The following DRC8 variants were observed in gnomAD, a reference collection of about 807,000 sequenced individuals.
The protein encoded by DRC8 is dynein regulatory complex subunit 8, also known as dynein regulatory complex protein 8.
the DRC8 span, among the ~76,000 whole-genome samples, chr1:245,069,956 G>A: frequency 1.3e-5 from 2 of 152,108 alleles, no homozygotes; most frequent in East Asian, 1.9e-4. Flanking sequence ...GAGACAGGAG[G>A]GTCACTTTTG....
chr1:245,062,110 A>C, the DRC8 span, among the ~76,000 whole-genome samples: 1 of 152,190 alleles, frequency 6.6e-6, no homozygotes, highest in African/African-American at 2.4e-5. Flanking sequence ...TGTCTCAAAA[A>C]AACGAACAAA....
the DRC8 span, among the ~76,000 whole-genome samples, chr1:245,026,949 T>C: frequency 6.6e-6 from 1 of 152,196 alleles, no homozygotes; most frequent in Admixed American, 6.5e-5. Flanking sequence ...TAGCTGTTTC[T>C]GCAATGCTTT....
At chr1:245,054,615 C>T in the DRC8 span, among the ~76,000 whole-genome samples, 1 of 152,164 alleles carries the variant, frequency 6.6e-6, no homozygotes, top group Admixed American at 6.5e-5. Context: ...CTCCATCTCT[C>T]ATGCGGGTTC....
the DRC8 span, among the ~76,000 whole-genome samples, chr1:245,094,040 C>G: frequency 6.6e-6 from 1 of 152,128 alleles, no homozygotes; most frequent in Non-Finnish European, 1.5e-5. Flanking sequence ...CTCTGAATGC[C>G]TAGTTTTAAA....
chr1:245,076,807 C>T, the DRC8 span, among the ~76,000 whole-genome samples: 1 of 151,796 alleles, frequency 6.6e-6, no homozygotes, highest in African/African-American at 2.4e-5. Flanking sequence ...GTTCACTGCA[C>T]CCTCCATCTC....
At chr1:245,000,447 G>A in the DRC8 span, among the ~76,000 whole-genome samples, 3 of 152,184 alleles carry the variant, frequency 2.0e-5, no homozygotes, top group African/African-American at 4.8e-5. Context: ...GGAGACTGCT[G>A]CATTTGTGTA....
chr1:245,045,303 C>T, the DRC8 span, among the ~76,000 whole-genome samples: 1 of 152,246 alleles, frequency 6.6e-6, no homozygotes, highest in Admixed American at 6.5e-5. Context: ...AGCCACCTTG[C>T]CTTGTCACTG....
the DRC8 span, among the ~76,000 whole-genome samples, chr1:245,117,731 G>A: frequency 6.6e-6 from 1 of 152,172 alleles, no homozygotes; most frequent in Non-Finnish European, 1.5e-5. Flanking sequence ...CACTTTGGGA[G>A]GCCAAGGCAA....
chr1:245,045,632 A>G, the DRC8 span, among the ~76,000 whole-genome samples: 1 of 152,192 alleles, frequency 6.6e-6, no homozygotes, highest in Non-Finnish European at 1.5e-5. Context: ...GCTGAAGTGA[A>G]GTTACAAAGG....
At chr1:244,995,978 A>G in the DRC8 span, among the ~76,000 whole-genome samples, 6 of 152,278 alleles carry the variant, frequency 3.9e-5, no homozygotes, top group African/African-American at 1.4e-4. Context: ...ATCTAGTACT[A>G]TTACCTATTA....
chr1:244,986,075 C>A, the DRC8 span, among the ~76,000 whole-genome samples: 2 of 151,820 alleles, frequency 1.3e-5, no homozygotes, highest in South Asian at 2.1e-4. Context: ...TATGCCTCAG[C>A]CTCCCGAGTA....
the DRC8 span, among the ~76,000 whole-genome samples, chr1:244,993,457 T>C: frequency 2.0e-5 from 3 of 152,214 alleles, no homozygotes; most frequent in African/African-American, 7.2e-5. Flanking sequence ...TAGCTACTTA[T>C]GTATGACTTC....
chr1:245,114,650 G>A, the DRC8 span, among the ~76,000 whole-genome samples: 3 of 152,276 alleles, frequency 2.0e-5, no homozygotes, highest in Non-Finnish European at 2.9e-5. Context: ...TGTTCGTTTG[G>A]TGAAATAGGG....
chr1:245,110,820 C>T, the DRC8 span, among the ~76,000 whole-genome samples: 1 of 152,214 alleles, frequency 6.6e-6, no homozygotes, highest in Non-Finnish European at 1.5e-5. Context: ...GTGGCCTCCT[C>T]ACCCTTTGTT....
the DRC8 span, chr1:245,125,015 C>T: frequency 1.3e-5 from 2 of 152,220 alleles, no homozygotes; most frequent in East Asian, 3.9e-4. Flanking sequence ...CAGCGATGGA[C>T]CCATCGTGGT....
the DRC8 span, among the ~76,000 whole-genome samples, chr1:245,052,371 G>T: frequency 2.0e-5 from 3 of 152,246 alleles, no homozygotes; most frequent in Admixed American, 6.5e-5. Flanking sequence ...GGTGGTGACA[G>T]TGGCCATTTT....
At chr1:245,036,567 C>T in the DRC8 span, among the ~76,000 whole-genome samples, 2 of 152,122 alleles carry the variant, frequency 1.3e-5, no homozygotes, top group Non-Finnish European at 2.9e-5. Flanking sequence ...ATTATTTATA[C>T]TAGCCAAAAA....
the DRC8 span, among the ~76,000 whole-genome samples, chr1:244,993,769 G>A: frequency 6.6e-6 from 1 of 152,136 alleles, no homozygotes; most frequent in African/African-American, 2.4e-5. Flanking sequence ...GGGGAAGGAG[G>A]CTGAACTCAT....
At chr1:245,057,594 C>T in the DRC8 span, among the ~76,000 whole-genome samples, 14 of 151,628 alleles carry the variant, frequency 9.2e-5, no homozygotes, top group African/African-American at 2.7e-4. Flanking sequence ...TGGTCTAGCA[C>T]GGGCCTAGAA....
Sources: gnomAD v4.1 joint callset for allele counts (sites outside exome capture counted in the v4.1 genomes callset) on GRCh38, gnomAD v4.1.1 for gene constraint, MANE v1.5 for transcripts, NCBI Gene and HGNC (gene_info 2026-07-23, HGNC 2026-07-21) for gene names.